The following CLSTN2 variants were observed in gnomAD, a reference collection of about 807,000 sequenced individuals.
The protein encoded by CLSTN2 is calsyntenin-2.
Under a neutral mutation model 101.2 loss-of-function variants are expected in CLSTN2, and 48 were observed. The ratio of observed to expected loss-of-function variants is 0.47; its 90% CI spans 0.38 to 0.60. The LOEUF is 0.60. Among genes scored for constraint, CLSTN2 ranks in the 20% least tolerant of loss-of-function variants. CLSTN2 has a pLI of 0.00. For synonymous variants in CLSTN2, 481 were observed against 463.6 expected, an observed-to-expected ratio of 1.04 and a Z score of -0.48; for missense variants, 1,160 against 1,238.2, an observed-to-expected ratio of 0.94 and a Z score of 0.95.
At chr3:140,305,060 T>A (rs551149155) in intron 2 of CLSTN2, among the ~76,000 whole-genome samples, 117 of 147,916 alleles carry the variant, frequency 7.9e-4, no homozygotes, top group African/African-American at 2.7e-3. Context: ...ACACACTCTC[T>A]CTCTCTCTCT....
At chr3:140,383,670 C>T (rs1440034569) in intron 2 of CLSTN2, among the ~76,000 whole-genome samples, 1 of 152,130 alleles carries the variant, frequency 6.6e-6, no homozygotes, top group Non-Finnish European at 1.5e-5. Context: ...TACAAATATC[C>T]ACTATATAGA....
At chr3:140,040,334 T>G (rs192025486) in intron 1 of CLSTN2, among the ~76,000 whole-genome samples, 57 of 152,284 alleles carry the variant, frequency 3.7e-4, no homozygotes, top group African/African-American at 1.3e-3. Context: ...TAGTCAACAC[T>G]CCTGGGGTGC....
intron 1 of CLSTN2, among the ~76,000 whole-genome samples, chr3:140,166,258 A>G (rs1225024980): frequency 1.3e-5 from 2 of 152,196 alleles, no homozygotes; most frequent in African/African-American, 2.4e-5. Context: ...TACTCCACCC[A>G]TCAGTTACCC....
intron 2 of CLSTN2, among the ~76,000 whole-genome samples, chr3:140,250,397 AAAATTT>A (rs2086553051): frequency 6.6e-6 from 1 of 152,194 alleles, no homozygotes; most frequent in Non-Finnish European, 1.5e-5. Context: ...AAACTGGGAG[AAAATTT>A]CCATGGCCGG....
At chr3:140,542,007 A>G (rs1048371686) in intron 9 of CLSTN2, among the ~76,000 whole-genome samples, 1 of 152,184 alleles carries the variant, frequency 6.6e-6, no homozygotes, top group Admixed American at 6.5e-5. Context: ...AGAAGAAACA[A>G]CTAGGGAAAA....
intron 1 of CLSTN2, among the ~76,000 whole-genome samples, chr3:140,171,627 TGTATTATATATTATATATAATAC>T (rs1559797082): frequency 1.6e-5 from 2 of 126,852 alleles, no homozygotes; most frequent in African/African-American, 6.0e-5. Flanking sequence ...TTATATAATA[TGTATTATATATTATATATAATAC>T]GTATTATATA....
At chr3:140,279,463 A>G (rs2086825789) in intron 2 of CLSTN2, among the ~76,000 whole-genome samples, 1 of 152,204 alleles carries the variant, frequency 6.6e-6, no homozygotes, top group East Asian at 1.9e-4. Context: ...GAGCTAGGAG[A>G]TAAATGGAGG....
chr3:140,544,417 A>G lies in CLSTN2; in HGVS notation c.1508-2098A>G, dbSNP rs1191186472. Among the ~76,000 whole-genome samples, 4 of 152,104 alleles carry G rather than the reference A, an allele frequency of 2.6e-5. No individual in the cohort carries two copies. In the East Asian group the frequency reaches 7.7e-4, roughly 29 times the overall value. On this transcript the variant is annotated intron_variant, in intron 9 of 16. Transcript: ENST00000458420. ...ACAAGAGGAGTGTGCAAGAGGCCCA[A>G]CCCCACAAGAAGCTATAGCCCAGTG...
intron 2 of CLSTN2, among the ~76,000 whole-genome samples, chr3:140,285,826 G>T (rs900693176): frequency 6.6e-6 from 1 of 152,128 alleles, no homozygotes; most frequent in African/African-American, 2.4e-5. Context: ...GGACTGGAGG[G>T]GTTTCCAGGA....
intron 4 of CLSTN2, among the ~76,000 whole-genome samples, chr3:140,415,581 C>T (rs1037009838): frequency 1.4e-4 from 21 of 149,456 alleles, no homozygotes; most frequent in East Asian, 2.0e-4. Flanking sequence ...TATAAATGGT[C>T]GACGTGCATA....
intron 2 of CLSTN2, among the ~76,000 whole-genome samples, chr3:140,372,892 C>T (rs916336090): frequency 3.9e-5 from 6 of 152,096 alleles, no homozygotes; most frequent in African/African-American, 1.4e-4. Flanking sequence ...CATAGAGAAA[C>T]CCCTTCTCTA....
chr3:140,056,565 C>T (rs1031144246), intron 1 of CLSTN2, among the ~76,000 whole-genome samples: 4 of 152,174 alleles, frequency 2.6e-5, no homozygotes, highest in African/African-American at 9.6e-5. Flanking sequence ...AGGTTAATGG[C>T]CAAAACATGA....
chr3:140,132,553 T>C (rs1180375364), intron 1 of CLSTN2, among the ~76,000 whole-genome samples: 3 of 152,136 alleles, frequency 2.0e-5, no homozygotes, highest in Non-Finnish European at 4.4e-5. Context: ...TGAGGAGTTG[T>C]TTAGTATGTC....
At chr3:140,492,664 G>C (rs186171669) in intron 8 of CLSTN2, among the ~76,000 whole-genome samples, 3 of 152,284 alleles carry the variant, frequency 2.0e-5, no homozygotes, top group Non-Finnish European at 2.9e-5. Flanking sequence ...CATCAAGATG[G>C]GTAACCTTGG....
intron 1 of CLSTN2, among the ~76,000 whole-genome samples, chr3:140,150,697 T>C (rs1167931698): frequency 6.6e-6 from 1 of 152,164 alleles, no homozygotes; most frequent in Non-Finnish European, 1.5e-5. Context: ...GAGGCTGCCA[T>C]TGGGCTGTAT....
At chr3:140,455,953 G>T (rs570739132) in intron 6 of CLSTN2, among the ~76,000 whole-genome samples, 2 of 152,308 alleles carry the variant, frequency 1.3e-5, no homozygotes, top group South Asian at 4.1e-4. Context: ...AGACAAAAGA[G>T]CCCCACCTTA....
chr3:140,027,391 T>C (rs1254631865), intron 1 of CLSTN2, among the ~76,000 whole-genome samples: 5 of 152,110 alleles, frequency 3.3e-5, no homozygotes, highest in African/African-American at 9.7e-5. Context: ...CGTGTGAAGA[T>C]GGAGGCAGCC....
At chr3:140,497,457 T>C (rs1193877829) in intron 8 of CLSTN2, among the ~76,000 whole-genome samples, 1 of 152,164 alleles carries the variant, frequency 6.6e-6, no homozygotes, top group African/African-American at 2.4e-5. Context: ...CCGAACCACC[T>C]GGACTCCCCG....
Position 139,935,520 on chromosome 3 carries a change from G to T in CLSTN2, c.109+37G>T. The stretch of plus-strand genomic sequence containing the variant: ...GGAAGTTTGCTCTTCTCCCAGGAGG[G>T]AGGCAGGGCAGGCTTGAGGGTGAAA... On this transcript the variant is annotated intron_variant, in intron 1 of 16. Transcript: ENST00000458420. This position sits in a 1 kb window ranked among gnomAD's most constrained non-coding sequence, Gnocchi z 5.5. 4.6e-6 allele frequency: 5 copies of T among 1,089,154 alleles called. No individual in the cohort carries two copies. Among genetic ancestry groups the T allele is most frequent in the Non-Finnish European group, 5.8e-6 (5 of 857,036 alleles). 67.5% of individuals were successfully genotyped at this position (1,089,154 alleles called of 1,614,324 possible).
Sources: allele counts gnomAD v4.1 joint callset (sites outside exome capture counted in the v4.1 genomes callset), GRCh38; gene constraint gnomAD v4.1.1; non-coding constraint Gnocchi (gnomAD v3.1); transcripts MANE v1.5; gene names NCBI Gene and HGNC (gene_info 2026-07-23, HGNC 2026-07-21).